The following ABR variants were observed in gnomAD, a reference collection of about 807,000 sequenced individuals.
ABR encodes the protein active breakpoint cluster region-related protein.
Under a neutral mutation model 107.2 loss-of-function variants are expected in ABR, and 35 were observed. That is an observed-to-expected ratio of 0.33 (90% CI 0.25 to 0.43). ABR has a LOEUF of 0.43. Ranked by LOEUF, ABR falls within the 20% of genes least tolerant of loss-of-function variation. The pLI, the probability that ABR is intolerant of heterozygous loss-of-function variation, is 1.00. For synonymous variants in ABR, 498 were observed against 462.0 expected, an observed-to-expected ratio of 1.08 and a Z score of -1.00; for missense variants, 815 against 1,115.2, an observed-to-expected ratio of 0.73 and a Z score of 3.83.
rs1218115011 is a variant in ABR at position 1,078,569 on chromosome 17, T to A, written c.700+761A>T. Among the ~76,000 whole-genome samples the A allele has an allele frequency of 1.3e-5, 2 of 151,996 alleles. No individual in the cohort carries two copies. The highest frequency in any genetic ancestry group is 2.4e-5 in the African/African-American group (1 of 41,394). On this transcript the variant is annotated intron_variant, in intron 6 of 22. Coordinates refer to ENST00000302538, the MANE Select transcript of ABR (RefSeq NM_021962.5). The surrounding 1 kb of genome is among the most constrained non-coding windows in gnomAD (Gnocchi z 7.5). Reference sequence around the variant, plus strand: ...CACTAGCCCACCAATTCCCCACCGATCCTCGGGGCCACCTGGACCCCTCCA... The same window carrying A: ...CACTAGCCCACCAATTCCCCACCGAACCTCGGGGCCACCTGGACCCCTCCA...
chr17:1,012,250 C>G (rs772927742), intron 18 of ABR: 1 of 667,174 alleles, frequency 1.5e-6, no homozygotes, highest in African/African-American at 1.8e-5. Context: ...AGGGAAAGAA[C>G]GTCCCCCAGA....
intron 5 of ABR, among the ~76,000 whole-genome samples, chr17:1,081,028 G>A (rs2036202073): frequency 1.3e-5 from 2 of 152,272 alleles, no homozygotes; most frequent in South Asian, 2.1e-4. Context: ...AGGCTGTGAG[G>A]GGCTTATGGT....
intron 1 of ABR, among the ~76,000 whole-genome samples, chr17:1,139,676 G>A (rs2040215778): frequency 1.3e-5 from 2 of 152,130 alleles, no homozygotes; most frequent in African/African-American, 4.8e-5. Context: ...GGAAATGAAA[G>A]CGCAGGGAGT....
chr17:1,006,108 T>G lies in ABR; in HGVS notation c.2552A>C (p.Asn851Thr), dbSNP rs755872294. The change falls in exon 23 of 23, where the codon AAC (asparagine) becomes ACC (threonine). Residue 851 changes from asparagine (N) to threonine (T), a missense_variant. By Grantham distance (65) the Asn-to-Thr change is moderately conservative. Transcript: ENST00000302538. ...CACGTCGGTGGAGAAGTACAGTGTG[T>G]TCCGCTTGAGTTCTGCGAAGGAAAT... Reference protein sequence around the residue: ...PPISFAELKRNTLYFSTDV With the variant: ...PPISFAELKRTTLYFSTDV The G allele has an allele frequency of 1.3e-6, 2 of 1,581,494 alleles. No homozygotes were observed. The highest frequency in any genetic ancestry group is 1.7e-6 in the Non-Finnish European group (2 of 1,163,458).
chr17:1,188,402 C>T (rs1424187602), upstream of ABR, among the ~76,000 whole-genome samples: 19 of 150,686 alleles, frequency 1.3e-4, no homozygotes, highest in African/African-American at 4.6e-4. Context: ...TACAAAAAAT[C>T]ATCTGGGCAT....
chr17:1,046,700 C>T (rs62069675), intron 16 of ABR, among the ~76,000 whole-genome samples: 23,813 of 152,258 alleles, frequency 0.16, 2,334 homozygotes, highest in Admixed American at 0.25. Flanking sequence ...CTGGGGGATT[C>T]GTTGACAAAG....
At chr17:1,124,025 A>G (rs2039475031) in intron 2 of ABR, among the ~76,000 whole-genome samples, 1 of 152,044 alleles carries the variant, frequency 6.6e-6, no homozygotes. Context: ...GACTGCCGCT[A>G]AACTCGGCCT....
At position 1,121,929 on chromosome 17, in the gene ABR, G is replaced by A. The variant is rs185509488; in HGVS notation, c.246+3254C>T. 1.8e-4 allele frequency among the ~76,000 whole-genome samples: 28 copies of A among 152,338 alleles called. No individual in the cohort carries two copies. The East Asian group carries it at 4.8e-3, about 26-fold the overall frequency. The stretch of plus-strand genomic sequence containing the variant: ...TTTTCTTTTATTTTCTTGAGATGGA[G>A]TCTCGCTTTGTCACCCAGGCTGGAG... On this transcript the variant is annotated intron_variant, in intron 2 of 22. Transcript: ENST00000302538.
chr17:1,057,866 G>A (rs2033515526), intron 12 of ABR, 104 bp downstream of exon 12: 3 of 1,044,672 alleles, frequency 2.9e-6, no homozygotes, highest in East Asian at 2.4e-5. Flanking sequence ...GAGGGTGACT[G>A]CGAGGGCCAA....
chr17:1,173,858 C>T (rs2041835546), intron 1 of ABR, among the ~76,000 whole-genome samples: 1 of 152,228 alleles, frequency 6.6e-6, no homozygotes, highest in Non-Finnish European at 1.5e-5. Flanking sequence ...CGGCCTCTCC[C>T]AGTCCCTCGA....
At chr17:1,086,980 T>C (rs2036633741) in intron 4 of ABR, among the ~76,000 whole-genome samples, 1 of 151,598 alleles carries the variant, frequency 6.6e-6, no homozygotes, top group South Asian at 2.1e-4. Context: ...GATACAGATA[T>C]GTAGTAAACA....
At position 1,028,111 on chromosome 17, in the gene ABR, G is replaced by C. The variant is rs186201474; in HGVS notation, c.1792-14947C>G. On this transcript the variant is annotated intron_variant, in intron 16 of 22. Coordinates refer to ENST00000302538, the MANE Select transcript of ABR (RefSeq NM_021962.5). ...GGACCCTTTCCTCCCCCCACCCCAA[G>C]ACCGAGTCTCGCTCTGTTGCCCAGG... is the stretch of plus-strand genomic sequence containing the variant. Among the ~76,000 whole-genome samples, 421 of 152,204 alleles carry C rather than the reference G, an allele frequency of 2.8e-3. 3 individuals carry two copies. The highest frequency in any genetic ancestry group is 9.6e-3 in the African/African-American group (399 of 41,530).
chr17:1,021,607 C>T (rs1345126141), intron 16 of ABR, among the ~76,000 whole-genome samples: 1 of 150,422 alleles, frequency 6.6e-6, no homozygotes, highest in Admixed American at 6.6e-5. Flanking sequence ...AGATCGAGAC[C>T]AACCTGACCA....
chr17:1,015,127 A>T (rs2071038902), intron 16 of ABR, among the ~76,000 whole-genome samples: 1 of 152,090 alleles, frequency 6.6e-6, no homozygotes, highest in Non-Finnish European at 1.5e-5. Flanking sequence ...GTACATAATT[A>T]AAAAGACAGC....
Position 1,078,667 on chromosome 17 carries a change from C to T in ABR, c.700+663G>A. 1 of 857,804 alleles carries T rather than the reference C, an allele frequency of 1.2e-6. No individual in the cohort carries two copies. The highest frequency in any genetic ancestry group is 2.6e-5 in the Admixed American group (1 of 38,168). The allele number at this position is 857,804 out of a possible 1,614,324, so 53.1% of individuals were successfully genotyped here. A position where few individuals can be genotyped will look rare whatever the true frequency, so the allele number is the denominator to read the frequency against. ...GTTTCAACTCTAGGCTGGATGCCGCCAAAACGAAGGGGGAATTCAGGTCCA... is the reference window on the plus strand; with the variant it reads ...GTTTCAACTCTAGGCTGGATGCCGCTAAAACGAAGGGGGAATTCAGGTCCA... On this transcript the variant is annotated intron_variant, in intron 6 of 22. Coordinates refer to ENST00000302538, the MANE Select transcript of ABR (RefSeq NM_021962.5). This position sits in a 1 kb window ranked among gnomAD's most constrained non-coding sequence, Gnocchi z 7.5.
chr17:1,049,417 C>T lies in ABR; in HGVS notation c.1791+633G>A, dbSNP rs375733902. Among the ~76,000 whole-genome samples, 11 of 152,252 alleles carry T rather than the reference C, an allele frequency of 7.2e-5. No homozygotes were observed. In the East Asian group the frequency reaches 1.4e-3, roughly 19 times the overall value. On this transcript the variant is annotated intron_variant, in intron 16 of 22. Coordinates refer to ENST00000302538, the MANE Select transcript of ABR (RefSeq NM_021962.5). ...TCCTGACCTCGTGATCCACCCACCT[C>T]GGCCTCCCAAGGTGCTGGGATTACA...
At chr17:1,112,872 C>CT (rs2038761262) in intron 2 of ABR, among the ~76,000 whole-genome samples, 1 of 152,118 alleles carries the variant, frequency 6.6e-6, no homozygotes, top group African/African-American at 2.4e-5. Flanking sequence ...CCTTCCCTGA[C>CT]CCAATCAGCA....
chr17:1,032,051 C>T (rs547894657), intron 16 of ABR, among the ~76,000 whole-genome samples: 223 of 151,832 alleles, frequency 1.5e-3, no homozygotes, highest in African/African-American at 5.2e-3. Context: ...TGCTCCTCCC[C>T]GACCCCGCCG....
Position 1,195,932 on chromosome 17 carries a change from G to A in ABR, c.838+32861C>T, listed in dbSNP as rs977423366. On this transcript the variant is annotated intron_variant, in intron 1 of 22. Transcript: ENST00000574139. Reference sequence around the variant, plus strand: ...TCACTTGAGGTCAGGAGTGCGAGACGAGCCTGGGCAACATGGCAAAACCCC... The same window carrying A: ...TCACTTGAGGTCAGGAGTGCGAGACAAGCCTGGGCAACATGGCAAAACCCC... 6.7e-5 allele frequency among the ~76,000 whole-genome samples: 10 copies of A among 150,294 alleles called. 1 individual carries two copies. The highest frequency in any genetic ancestry group is 2.5e-4 in the African/African-American group (10 of 40,286).
Sources: gnomAD v4.1 joint callset for allele counts (sites outside exome capture counted in the v4.1 genomes callset) on GRCh38, gnomAD v4.1.1 for gene constraint, Gnocchi (gnomAD v3.1) non-coding constraint, MANE v1.5 for transcripts, NCBI Gene and HGNC (gene_info 2026-07-23, HGNC 2026-07-21) for gene names.